The following PLXNA2 variants were observed in gnomAD, a reference collection of about 807,000 sequenced individuals.
PLXNA2 encodes plexin A2.
In PLXNA2, 91 loss-of-function variants were observed where a neutral mutation model predicts 193.5. The ratio of observed to expected loss-of-function variants is 0.47; its 90% CI spans 0.40 to 0.56. PLXNA2 has a LOEUF of 0.56. Among genes scored for constraint, PLXNA2 ranks in the 20% least tolerant of loss-of-function variants. The pLI, the probability that PLXNA2 is intolerant of heterozygous loss-of-function variation, is 0.00. For synonymous variants in PLXNA2, 997 were observed against 1,027.3 expected (o/e 0.97, Z 0.56); for missense variants, 1,995 against 2,503.2 (o/e 0.80, Z 4.33).
intron 12 of PLXNA2, 125 bp downstream of exon 12, chr1:208,079,135 C>T: frequency 1.3e-6 from 1 of 778,218 alleles, no homozygotes; most frequent in Non-Finnish European, 2.1e-6. Flanking sequence ...TTCCTACACC[C>T]CCCCACATTA....
In PLXNA2 at chr1:208,185,696, CAAAAAAAAAAAAAA is replaced by C. The variant is rs56384277; in HGVS notation, c.1371+24570_1371+24583del. Among the ~76,000 whole-genome samples, 58 of 57,274 alleles carry C rather than the reference CAAAAAAAAAAAAAA, an allele frequency of 1.0e-3. 2 individuals are homozygous for C. The highest frequency in any genetic ancestry group is 3.6e-3 in the African/African-American group (50 of 14,044). 37.6% of individuals were successfully genotyped at this position (57,274 alleles called of 152,430 possible). On this transcript the variant is annotated intron_variant, in intron 3 of 31. Coordinates refer to ENST00000367033, the MANE Select transcript of PLXNA2 (RefSeq NM_025179.4). ...TTTATTCCTTGTTGGTCTCTGAAAG[CAAAAAAAAAAAAAA>C]AAAAAAAAGGAAAAAAAAAAAGAAA...
rs1002890525 is a variant in PLXNA2, at chr1:208,034,556, G to A, written c.4801C>T (p.Gln1601Ter). 1 of 1,613,970 alleles carries A rather than the reference G, an allele frequency of 6.2e-7. No individual in the cohort carries two copies. Among genetic ancestry groups the A allele is most frequent in the Non-Finnish European group, 8.5e-7 (1 of 1,179,844 alleles). ...GCAGGGATGTTGTAGGAGGAGGTCTGTTTGGGGACCAGAGCCACCACCGAC... is the reference window on the plus strand; with the variant it reads ...GCAGGGATGTTGTAGGAGGAGGTCTATTTGGGGACCAGAGCCACCACCGAC... ...DRSVVALVPK[Q>*]TSSYNIPASA... Residue 1601 changes from glutamine (Q) to a stop codon, truncating the protein, a stop_gained, in exon 27 of 32, where the codon CAG becomes TAG. Transcript: ENST00000367033. LOFTEE classifies it high-confidence loss of function.
chr1:208,150,389 A>G (rs1668721619), intron 3 of PLXNA2, among the ~76,000 whole-genome samples: 1 of 152,120 alleles, frequency 6.6e-6, no homozygotes, highest in Non-Finnish European at 1.5e-5. Context: ...GGGGCTAGAG[A>G]GTCCTGGATT....
chr1:208,096,154 T>C (rs750081738), intron 7 of PLXNA2, 29 bp from the exon 8 acceptor site: 4 of 1,576,240 alleles, frequency 2.5e-6, no homozygotes, highest in East Asian at 2.2e-5. Flanking sequence ...AAGGATGGGG[T>C]TGGGTAACAA....
chr1:208,052,238 C>T, intron 15 of PLXNA2, 89 bp downstream of exon 15: 2 of 1,327,394 alleles, frequency 1.5e-6, no homozygotes, highest in South Asian at 2.6e-5. Flanking sequence ...GGTGATGGGG[C>T]AGGCCTATGA....
chr1:208,186,978 C>T (rs1670029686), intron 3 of PLXNA2, among the ~76,000 whole-genome samples: 1 of 152,016 alleles, frequency 6.6e-6, no homozygotes, highest in South Asian at 2.1e-4. Flanking sequence ...GCCTCGGCCT[C>T]CCAAAGTGCT....
rs1433452023 is a variant in PLXNA2 at position 208,044,152 on chromosome 1, G to A, written c.3874+356C>T. On this transcript the variant is annotated intron_variant, in intron 20 of 31. Coordinates refer to ENST00000367033, the MANE Select transcript of PLXNA2 (RefSeq NM_025179.4). This position sits in a 1 kb window ranked among gnomAD's most constrained non-coding sequence, Gnocchi z 4.9. ...GAAGACAGTGTGCAGAAAAACAAGA[G>A]CTGGACACTCCCATGGGGGATCTAG... Among the ~76,000 whole-genome samples, 1 of 152,220 alleles carries A rather than the reference G, an allele frequency of 6.6e-6. No homozygotes were observed. Among genetic ancestry groups the A allele is most frequent in the African/African-American group, 2.4e-5 (1 of 41,464 alleles).
chr1:208,031,518 T>TCC (rs758588883), intron 29 of PLXNA2, 72 bp downstream of exon 29: 41 of 1,562,188 alleles, frequency 2.6e-5, no homozygotes, highest in Non-Finnish European at 3.5e-5. Flanking sequence ...CCCTCCCATC[T>TCC]CCTGGTCCTC....
Position 208,086,948 on chromosome 1 carries a change from A to ACTCTCTCT in PLXNA2, c.2098-2376_2098-2369dup, listed in dbSNP as rs59683728. Among the ~76,000 whole-genome samples the ACTCTCTCT allele has an allele frequency of 7.9e-3, 1,065 of 134,658 alleles. 10 individuals carry two copies. Among genetic ancestry groups the ACTCTCTCT allele is most frequent in the South Asian group, 0.023 (80 of 3,544 alleles). The allele number at this position is 134,658 out of a possible 152,430, so 88.3% of individuals were successfully genotyped here. On this transcript the variant is annotated intron_variant, in intron 9 of 31. Transcript: ENST00000367033. ...GCTGGGGTATAATGGTCTCTCTCGC[A>ACTCTCTCT]CTCTCTCTCTCTCTCTCTCTCTCTC... is the stretch of plus-strand genomic sequence containing the variant.
intron 31 of PLXNA2, 104 bp from the exon 32 acceptor site, chr1:208,027,442 C>T (rs917961139): frequency 2.5e-6 from 2 of 793,772 alleles, no homozygotes; most frequent in African/African-American, 3.4e-5. Flanking sequence ...TTCCATTCTG[C>T]CTTCATGCAC....
Position 208,028,934 on chromosome 1 carries a change from G to A in PLXNA2, c.5334C>T (p.Phe1778=), listed in dbSNP as rs113155197. 3.3e-3 allele frequency: 5,325 copies of A among 1,614,176 alleles called. 34 individuals are homozygous for A. Among genetic ancestry groups the A allele is most frequent in the Non-Finnish European group, 3.3e-3 (3,926 of 1,180,024 alleles). The change falls in exon 30 of 32, where the codon TTC becomes TTT. Residue 1778 remains phenylalanine (F), a synonymous_variant. Coordinates refer to ENST00000367033, the MANE Select transcript of PLXNA2 (RefSeq NM_025179.4). This position sits in a 1 kb window ranked among gnomAD's most constrained non-coding sequence, Gnocchi z 4.2. ...DACLSVVAQT[F]MDSCSTSEHR... ...GCTCTGACGTTGAACAAGAGTCCATGAAGGTCTGGGCCACCACAGAGAGGC... is the reference window on the plus strand; with the variant it reads ...GCTCTGACGTTGAACAAGAGTCCATAAAGGTCTGGGCCACCACAGAGAGGC...
intron 23 of PLXNA2, 37 bp from the exon 24 acceptor site, chr1:208,039,804 C>T (rs778114817): frequency 1.9e-6 from 3 of 1,613,500 alleles, no homozygotes; most frequent in East Asian, 4.5e-5. Flanking sequence ...GTGGGCACGG[C>T]CTCCTCAGGT....
rs986152441 is a variant in PLXNA2, at chr1:208,236,374, G to GA, written c.-81+7268dup. 6.6e-6 allele frequency among the ~76,000 whole-genome samples: 1 copy of GA among 152,122 alleles called. No individual in the cohort carries two copies. Among genetic ancestry groups the GA allele is most frequent in the Non-Finnish European group, 1.5e-5 (1 of 68,032 alleles). On this transcript the variant is annotated intron_variant, in intron 1 of 31. Transcript: ENST00000367033. This position sits in a 1 kb window ranked among gnomAD's most constrained non-coding sequence, Gnocchi z 4.4. Reference sequence around the variant, plus strand: ...GAGGCCTTTCACTTTTATGAAGCAGGAAACCACTTCAAAGCAGCAACATCC... The same window carrying GA: ...GAGGCCTTTCACTTTTATGAAGCAGGAAAACCACTTCAAAGCAGCAACATCC...
At chr1:208,085,063 A>C (rs907886235) in intron 9 of PLXNA2, among the ~76,000 whole-genome samples, 3 of 150,194 alleles carry the variant, frequency 2.0e-5, no homozygotes, top group Admixed American at 6.7e-5. Context: ...CCCTCCCAGC[A>C]ATACTCTAAA....
chr1:208,087,932 C>A, intron 9 of PLXNA2, among the ~76,000 whole-genome samples: 1 of 152,278 alleles, frequency 6.6e-6, no homozygotes, highest in African/African-American at 2.4e-5. Context: ...CAGGCACACA[C>A]ATGTGTACAT....
At chr1:208,144,632 C>A (rs933709472) in intron 3 of PLXNA2, among the ~76,000 whole-genome samples, 4 of 152,158 alleles carry the variant, frequency 2.6e-5, no homozygotes, top group African/African-American at 9.7e-5. Flanking sequence ...GACTTGGGGG[C>A]TTCTGGGCCT....
At chr1:208,147,832 C>T (rs2102492516) in intron 3 of PLXNA2, among the ~76,000 whole-genome samples, 1 of 152,294 alleles carries the variant, frequency 6.6e-6, no homozygotes, top group East Asian at 1.9e-4. Context: ...CCCTCATCCA[C>T]TCTTCCCCCT....
chr1:208,179,924 G>A lies in PLXNA2; in HGVS notation c.1371+30356C>T, dbSNP rs146003675. Among the ~76,000 whole-genome samples the A allele has an allele frequency of 1.3e-4, 20 of 152,210 alleles. No homozygotes were observed. In the East Asian group the frequency reaches 3.9e-3, roughly 29 times the overall value. ...TCTTACTCTTCTTTGAGATTTCCCA[G>A]GATGAAATACTTCCCCAAATGCTAC... is the stretch of plus-strand genomic sequence containing the variant. On this transcript the variant is annotated intron_variant, in intron 3 of 31. Coordinates refer to ENST00000367033, the MANE Select transcript of PLXNA2 (RefSeq NM_025179.4).
chr1:208,206,604 A>G (rs1322615100), intron 3 of PLXNA2, among the ~76,000 whole-genome samples: 1 of 152,014 alleles, frequency 6.6e-6, no homozygotes, highest in Non-Finnish European at 1.5e-5. Flanking sequence ...TCTAGTCTAT[A>G]AGCAGACCCT....
Sources: gnomAD v4.1 joint callset for allele counts (sites outside exome capture counted in the v4.1 genomes callset) on GRCh38, gnomAD v4.1.1 for gene constraint, Gnocchi (gnomAD v3.1) non-coding constraint, MANE v1.5 for transcripts, NCBI Gene and HGNC (gene_info 2026-07-23, HGNC 2026-07-21) for gene names.